LRRIQ1: variants seen among roughly 807,000 people sequenced by gnomAD.
The protein encoded by LRRIQ1 is leucine-rich repeat- and IQ domain-containing protein 1.
In LRRIQ1, 210 loss-of-function variants were observed where a neutral mutation model predicts 211.9. That is an observed-to-expected ratio of 0.99 (90% CI 0.89 to 1.11). The LOEUF (loss-of-function observed/expected upper bound fraction) is 1.11, where lower values mean the gene tolerates loss of function less well. Among genes scored for constraint, LRRIQ1 ranks in the 50% most tolerant of loss-of-function variants. The probability of loss-of-function intolerance (pLI) is 0.00; values close to 1 mark genes in which losing one functional copy is unlikely to be tolerated. For missense variants in LRRIQ1, 2,136 were observed against 1,939.5 expected (o/e 1.10, Z -1.90); for synonymous variants, 699 against 650.1 (o/e 1.08, Z -1.14).
chr12:85,261,677 A>T (rs1896291931), intron 1 of LRRIQ1, among the ~76,000 whole-genome samples: 1 of 151,752 alleles, frequency 6.6e-6, no homozygotes, highest in Non-Finnish European at 1.5e-5. Flanking sequence ...CTACTTCCAA[A>T]CCCTTTCCCC....
In LRRIQ1 at chr12:85,196,232, G is replaced by A. The variant is rs933723609; in HGVS notation, c.4823-33285G>A. On this transcript the variant is annotated intron_variant, in intron 24 of 26. Transcript: ENST00000393217. ...CTCATGGGTAGGAAGAATCAATATC[G>A]TGAAAATGGCCATACTGCCCAAGGT... Among the ~76,000 whole-genome samples the A allele has an allele frequency of 7.6e-4, 115 of 152,090 alleles. 1 individual carries two copies. The highest frequency in any genetic ancestry group is 1.1e-3 in the Admixed American group (17 of 15,264).
intron 1 of LRRIQ1, among the ~76,000 whole-genome samples, chr12:85,257,668 G>A (rs1265355314): frequency 6.6e-6 from 1 of 151,654 alleles, no homozygotes; most frequent in African/African-American, 2.4e-5. Context: ...TGGAAAGATG[G>A]GTTTTAGTTA....
At chr12:85,036,682 T>G (rs980229332) in intron 1 of LRRIQ1, among the ~76,000 whole-genome samples, 1 of 152,088 alleles carries the variant, frequency 6.6e-6, no homozygotes, top group African/African-American at 2.4e-5. Context: ...TGACGTTATT[T>G]TCCTTCCTTC....
chr12:85,080,308 GCTCAGTGT>G (rs571550223), intron 11 of LRRIQ1, among the ~76,000 whole-genome samples: 78 of 151,630 alleles, frequency 5.1e-4, no homozygotes, highest in Non-Finnish European at 9.6e-4. Flanking sequence ...TAAATCTGTG[GCTCAGTGT>G]CTGTATTCAA....
chr12:85,044,644 G>C, intron 3 of LRRIQ1, 74 bp from the exon 4 acceptor site: 1 of 678,686 alleles, frequency 1.5e-6, no homozygotes, highest in Non-Finnish European at 2.5e-6. Context: ...TAAAAATTAA[G>C]AAAGGGTTTG....
intron 15 of LRRIQ1, among the ~76,000 whole-genome samples, chr12:85,112,266 T>A (rs1887231808): frequency 6.6e-6 from 1 of 151,872 alleles, no homozygotes; most frequent in African/African-American, 2.4e-5. Flanking sequence ...TCTCTTAAAA[T>A]GATTTTTATA....
chr12:85,193,759 A>G (rs1431259800), intron 24 of LRRIQ1, among the ~76,000 whole-genome samples: 1 of 151,284 alleles, frequency 6.6e-6, no homozygotes, highest in Non-Finnish European at 1.5e-5. Context: ...AAGAAACTGC[A>G]TCAACTAACG....
chr12:85,088,206 C>A (rs991558353), intron 11 of LRRIQ1, among the ~76,000 whole-genome samples: 9 of 152,052 alleles, frequency 5.9e-5, no homozygotes, highest in Non-Finnish European at 1.2e-4. Context: ...ATAGGGAATC[C>A]TTTCCCTATT....
chr12:85,059,928 T>C (rs1881590791), intron 8 of LRRIQ1, among the ~76,000 whole-genome samples: 2 of 152,132 alleles, frequency 1.3e-5, no homozygotes, highest in South Asian at 4.1e-4. Context: ...TTAGATAAAG[T>C]ATATTGACTG....
At chr12:85,145,768 A>G (rs1889851780) in intron 19 of LRRIQ1, among the ~76,000 whole-genome samples, 1 of 151,722 alleles carries the variant, frequency 6.6e-6, no homozygotes, top group Admixed American at 6.6e-5. Context: ...GACAGCAAAC[A>G]AATTTCTGCC....
chr12:85,059,155 C>A (rs773731959), intron 8 of LRRIQ1, among the ~76,000 whole-genome samples: 1 of 151,920 alleles, frequency 6.6e-6, no homozygotes, highest in Non-Finnish European at 1.5e-5. Flanking sequence ...GATCTTTATC[C>A]TTATCCTGAT....
At chr12:85,260,526 A>T (rs1052280176) in intron 1 of LRRIQ1, among the ~76,000 whole-genome samples, 2 of 152,176 alleles carry the variant, frequency 1.3e-5, no homozygotes, top group South Asian at 4.1e-4. Context: ...AAATCTGCTT[A>T]CTGTTTTATT....
chr12:85,244,983 T>A lies in LRRIQ1; in HGVS notation c.*42T>A. The A allele has an allele frequency of 6.3e-7, 1 of 1,595,514 alleles. No homozygotes were observed. Among genetic ancestry groups the A allele is most frequent in the South Asian group, 1.1e-5 (1 of 88,792 alleles). ...GATGGAACCTAATGCCAACAAGCAT[T>A]CTTTTTCAGATAGGGGGTAGGATGC... On this transcript the variant is annotated 3_prime_UTR_variant, in exon 27 of 27. Transcript: ENST00000393217.
intron 1 of LRRIQ1, among the ~76,000 whole-genome samples, chr12:85,260,070 T>C (rs1174703808): frequency 6.6e-6 from 1 of 151,204 alleles, no homozygotes; most frequent in African/African-American, 2.4e-5. Flanking sequence ...TATCTATATG[T>C]GTTTCAATAC....
intron 11 of LRRIQ1, among the ~76,000 whole-genome samples, chr12:85,083,268 CTCTT>C (rs1172603246): frequency 3.3e-5 from 5 of 152,056 alleles, no homozygotes; most frequent in African/African-American, 1.2e-4. Context: ...TTGCTTATCT[CTCTT>C]TGCTTGCCAT....
At chr12:85,270,956 T>A in the LRRIQ1 span, among the ~76,000 whole-genome samples, 957 of 152,308 alleles carry the variant, frequency 6.3e-3, 7 homozygotes, top group African/African-American at 0.022. Context: ...TACAAGTGTG[T>A]AACCAGTTAG....
intron 15 of LRRIQ1, among the ~76,000 whole-genome samples, chr12:85,114,385 T>A (rs1887418155): frequency 6.6e-6 from 1 of 152,186 alleles, no homozygotes; most frequent in South Asian, 2.1e-4. Context: ...ATGAATTATC[T>A]TGCTGATCTG....
At chr12:85,222,551 C>G (rs1312525422) in intron 24 of LRRIQ1, among the ~76,000 whole-genome samples, 8 of 152,110 alleles carry the variant, frequency 5.3e-5, no homozygotes, top group Admixed American at 4.6e-4. Context: ...TTTTGATGTG[C>G]ACAGTTCCAG....
chr12:85,177,688 T>C (rs1313696566), intron 24 of LRRIQ1, among the ~76,000 whole-genome samples: 2 of 152,128 alleles, frequency 1.3e-5, no homozygotes, highest in African/African-American at 4.8e-5. Flanking sequence ...AGGATTTGAC[T>C]TTCTATATTC....
Sources: gnomAD v4.1 joint callset for allele counts (sites outside exome capture counted in the v4.1 genomes callset) on GRCh38, gnomAD v4.1.1 for gene constraint, MANE v1.5 for transcripts, NCBI Gene and HGNC (gene_info 2026-07-23, HGNC 2026-07-21) for gene names.